Variants in LGR4 observed in about 807,000 individuals in gnomAD.
LGR4 encodes leucine-rich repeat-containing G protein-coupled receptor 4.
LGR4 carries 44 observed loss-of-function variants against 84.8 expected under a neutral mutation model. That is an observed-to-expected ratio of 0.52 (90% CI 0.41 to 0.67). The LOEUF (loss-of-function observed/expected upper bound fraction) is 0.67, where lower values mean the gene tolerates loss of function less well. Ranked by LOEUF, LGR4 falls within the 30% of genes least tolerant of loss-of-function variation. LGR4 has a pLI of 0.00. For missense variants in LGR4, 1,032 were observed against 1,131.4 expected, an observed-to-expected ratio of 0.91 and a Z score of 1.26; for synonymous variants, 429 against 434.3, an observed-to-expected ratio of 0.99 and a Z score of 0.15.
At chr11:27,436,160 C>T (rs940011376) in intron 1 of LGR4, among the ~76,000 whole-genome samples, 22 of 152,024 alleles carry the variant, frequency 1.4e-4, no homozygotes, top group African/African-American at 5.3e-4. Context: ...ATCCACCCAC[C>T]TTGGCCTCCC....
At chr11:27,464,149 A>G (rs1864735795) in intron 1 of LGR4, among the ~76,000 whole-genome samples, 1 of 152,180 alleles carries the variant, frequency 6.6e-6, no homozygotes, top group African/African-American at 2.4e-5. Context: ...GTGTTCTCTC[A>G]TTTTCTGGAG....
At position 27,380,282 on chromosome 11, in the gene LGR4, G is replaced by A. The variant is rs1199783981; in HGVS notation, c.960C>T (p.His320=). 1.9e-6 allele frequency: 3 copies of A among 1,607,782 alleles called. No homozygotes were observed. In the Admixed American group the frequency reaches 5.1e-5, roughly 27 times the overall value. The change falls in exon 10 of 18, where the codon CAC becomes CAT. Residue 320 remains histidine, a synonymous_variant. Coordinates refer to ENST00000379214, the MANE Select transcript of LGR4 (RefSeq NM_018490.5). ...AGGGCCTTACTTACAGACTTTCCAG[G>A]TGGACAGTTCCTGTAAGATTGGGGA... ...QQFPNLTGTV[H]LESLTLTGTK... is the part of the protein sequence containing the mutation.
At chr11:27,399,034 C>T (rs1871252) in intron 2 of LGR4, among the ~76,000 whole-genome samples, 1,768 of 152,128 alleles carry the variant, frequency 0.012, 35 homozygotes, top group African/African-American at 0.041. Flanking sequence ...CCTCAGCCTC[C>T]CAAGTAGCTG....
At chr11:27,381,735 C>T (rs1863098624) in intron 7 of LGR4, among the ~76,000 whole-genome samples, 1 of 152,072 alleles carries the variant, frequency 6.6e-6, no homozygotes, top group Non-Finnish European at 1.5e-5. Context: ...AAAAATGCTC[C>T]CTCATTCCTG....
At chr11:27,459,982 T>C (rs1209583944) in intron 1 of LGR4, among the ~76,000 whole-genome samples, 21 of 152,004 alleles carry the variant, frequency 1.4e-4, no homozygotes, top group Non-Finnish European at 1.5e-5. Flanking sequence ...TCCCAGCTAC[T>C]CGGGAGGCTG....
intron 2 of LGR4, among the ~76,000 whole-genome samples, chr11:27,411,792 A>G (rs535055943): frequency 5.9e-5 from 9 of 152,284 alleles, no homozygotes; most frequent in African/African-American, 2.2e-4. Context: ...CTATCAGAGT[A>G]CATAACCTGG....
intron 1 of LGR4, among the ~76,000 whole-genome samples, chr11:27,418,174 C>A (rs1863857563): frequency 6.6e-6 from 1 of 152,174 alleles, no homozygotes; most frequent in Non-Finnish European, 1.5e-5. Context: ...CCACTCTATT[C>A]TTAACTTGCT....
rs1396096204 is a variant in LGR4 at position 27,385,443 on chromosome 11, A to G, written c.427T>C (p.Ser143Pro). ...CCTTCAAAACTGTCCTCGGGGACTG[A>G]GGTAATATGGTTGGCATCTAAACGC... is the stretch of plus-strand genomic sequence containing the variant. ...SLRLDANHIT[S>P]VPEDSFEGLV... The change falls in exon 5 of 18, where the codon TCA becomes CCA. Residue 143 changes from serine to proline, a missense_variant. Physicochemically the swap from Ser to Pro is moderately conservative, Grantham distance 74. Coordinates refer to ENST00000379214, the MANE Select transcript of LGR4 (RefSeq NM_018490.5). 9 of 1,607,108 alleles carry G rather than the reference A, an allele frequency of 5.6e-6. No individual in the cohort carries two copies. The highest frequency in any genetic ancestry group is 7.6e-6 in the Non-Finnish European group (9 of 1,177,128).
chr11:27,377,103 C>G, intron 12 of LGR4, 55 bp downstream of exon 12: 1 of 1,021,452 alleles, frequency 9.8e-7, no homozygotes, highest in East Asian at 2.5e-5. Flanking sequence ...ATACGAAATG[C>G]TCAACAAACT....
chr11:27,408,632 G>A (rs542658126), intron 2 of LGR4, among the ~76,000 whole-genome samples: 4 of 152,196 alleles, frequency 2.6e-5, no homozygotes, highest in South Asian at 2.1e-4. Context: ...GTCTGACAAC[G>A]TCACATCAGG....
chr11:27,444,945 G>A (rs1864363484), intron 1 of LGR4, among the ~76,000 whole-genome samples: 1 of 152,118 alleles, frequency 6.6e-6, no homozygotes, highest in African/African-American at 2.4e-5. Flanking sequence ...ACCTAACAAA[G>A]CCATCATTCT....
At chr11:27,424,334 G>A (rs1205034524) in intron 1 of LGR4, among the ~76,000 whole-genome samples, 1 of 152,122 alleles carries the variant, frequency 6.6e-6, no homozygotes, top group African/African-American at 2.4e-5. Flanking sequence ...GAGCCCAGGA[G>A]TTTGAGACAA....
intron 1 of LGR4, among the ~76,000 whole-genome samples, chr11:27,460,089 CA>C (rs768616760): frequency 1.3e-5 from 2 of 151,414 alleles, no homozygotes; most frequent in African/African-American, 4.8e-5. Context: ...GACTCCGTCT[CA>C]AAAAAAAGAA....
At chr11:27,404,213 C>T (rs889897284) in intron 2 of LGR4, among the ~76,000 whole-genome samples, 2 of 152,172 alleles carry the variant, frequency 1.3e-5, no homozygotes, top group East Asian at 1.9e-4. Context: ...CCTCGCTACA[C>T]TTTTGGAACC....
intron 1 of LGR4, among the ~76,000 whole-genome samples, chr11:27,436,887 T>G (rs1864220738): frequency 6.6e-6 from 1 of 151,996 alleles, no homozygotes; most frequent in South Asian, 2.1e-4. Flanking sequence ...TACCAGTCTT[T>G]GCACTGCATT....
At chr11:27,465,681 T>A (rs1864764205) in intron 1 of LGR4, among the ~76,000 whole-genome samples, 2 of 152,190 alleles carry the variant, frequency 1.3e-5, no homozygotes, top group Admixed American at 1.3e-4. Context: ...AGCTAAAAAA[T>A]CACGATCTGT....
At chr11:27,472,074 C>T in intron 1 of LGR4, 44 bp downstream of exon 1, 6 of 1,158,846 alleles carry the variant, frequency 5.2e-6, no homozygotes, top group Non-Finnish European at 6.5e-6. Flanking sequence ...CCCGCTGGGC[C>T]CCGTTTCCTC....
chr11:27,373,323 G>A (rs139840423), intron 15 of LGR4: 5 of 367,330 alleles, frequency 1.4e-5, no homozygotes, highest in Admixed American at 4.3e-5. Flanking sequence ...CTGGTGAATA[G>A]CTGTATTATC....
At chr11:27,387,547 A>G (rs553613452) in intron 4 of LGR4, among the ~76,000 whole-genome samples, 28 of 152,318 alleles carry the variant, frequency 1.8e-4, no homozygotes, top group African/African-American at 6.5e-4. Context: ...TCAGAGACCC[A>G]GTAGCAGAAA....
Sources: gnomAD v4.1 joint callset for allele counts (sites outside exome capture counted in the v4.1 genomes callset) on GRCh38, gnomAD v4.1.1 for gene constraint, MANE v1.5 for transcripts, NCBI Gene and HGNC (gene_info 2026-07-23, HGNC 2026-07-21) for gene names.